The following PDE7A variants were observed in gnomAD, a reference collection of about 807,000 sequenced individuals.
PDE7A encodes high affinity 3',5'-cyclic-AMP phosphodiesterase 7A.
PDE7A carries 39 observed loss-of-function variants against 64.3 expected under a neutral mutation model. That is an observed-to-expected ratio of 0.61 (90% CI 0.47 to 0.79). PDE7A has a LOEUF of 0.79. Among genes scored for constraint, PDE7A ranks in the 30% least tolerant of loss-of-function variants. The pLI, the probability that PDE7A is intolerant of heterozygous loss-of-function variation, is 0.00. For synonymous variants in PDE7A, 203 were observed against 206.8 expected (o/e 0.98, Z 0.16); for missense variants, 470 against 582.8 (o/e 0.81, Z 1.99).
intron 3 of PDE7A, among the ~76,000 whole-genome samples, chr8:65,769,247 C>CAAAAAAAAAAAA (rs61554087): frequency 1.3e-5 from 1 of 74,456 alleles, no homozygotes. Context: ...GACTCAGTCT[C>CAAAAAAAAAAAA]AAAAAAAAAA....
intron 4 of PDE7A, 109 bp downstream of exon 4, chr8:65,747,543 C>T: frequency 1.5e-5 from 9 of 607,510 alleles, no homozygotes; most frequent in Non-Finnish European, 2.1e-5. Context: ...GGCTCAACTG[C>T]TTTTCATAGA....
intron 7 of PDE7A, among the ~76,000 whole-genome samples, chr8:65,732,701 TG>T (rs1291767715): frequency 1.3e-5 from 2 of 152,194 alleles, no homozygotes; most frequent in Non-Finnish European, 1.5e-5. Context: ...TTTGTAGAGA[TG>T]GGATCTTGCT....
chr8:65,804,568 T>C (rs1475887247), intron 1 of PDE7A, among the ~76,000 whole-genome samples: 8 of 136,754 alleles, frequency 5.8e-5, no homozygotes, highest in Admixed American at 1.5e-4. Flanking sequence ...TTGAAGACAG[T>C]GTTTCCATTG....
At chr8:65,774,821 G>T (rs1809210755) in intron 3 of PDE7A, among the ~76,000 whole-genome samples, 1 of 151,888 alleles carries the variant, frequency 6.6e-6, no homozygotes, top group African/African-American at 2.4e-5. Context: ...GAAACGTCCG[G>T]CTGTTTCTCA....
At chr8:65,752,625 C>T (rs1776804083) in intron 3 of PDE7A, among the ~76,000 whole-genome samples, 1 of 152,154 alleles carries the variant, frequency 6.6e-6, no homozygotes, top group Non-Finnish European at 1.5e-5. Context: ...AGATATATCT[C>T]ATTGTTAACC....
At chr8:65,733,762 C>T (rs566041443) in intron 7 of PDE7A, among the ~76,000 whole-genome samples, 9 of 152,210 alleles carry the variant, frequency 5.9e-5, no homozygotes, top group Non-Finnish European at 8.8e-5. Flanking sequence ...TACTAAAAAA[C>T]GGGCATTTTC....
chr8:65,814,851 G>A (rs910920330), intron 1 of PDE7A, among the ~76,000 whole-genome samples: 1 of 152,096 alleles, frequency 6.6e-6, no homozygotes, highest in Non-Finnish European at 1.5e-5. Context: ...GGAGGCTGAG[G>A]AGGATGGATC....
intron 9 of PDE7A, chr8:65,725,676 T>TA (rs1338352064): frequency 1.3e-5 from 2 of 152,082 alleles, no homozygotes; most frequent in Non-Finnish European, 2.9e-5. Flanking sequence ...GTCAAATAGA[T>TA]AAAAAGACTC....
intron 1 of PDE7A, among the ~76,000 whole-genome samples, chr8:65,830,797 C>T (rs907831864): frequency 6.6e-6 from 1 of 152,006 alleles, no homozygotes; most frequent in Non-Finnish European, 1.5e-5. Context: ...AAATAAAGCA[C>T]TTTTTATTCC....
chr8:65,776,069 A>C (rs1809251698), intron 3 of PDE7A, among the ~76,000 whole-genome samples: 1 of 152,206 alleles, frequency 6.6e-6, no homozygotes, highest in Non-Finnish European at 1.5e-5. Flanking sequence ...AATCAATGTT[A>C]TTGATTTAGC....
intron 1 of PDE7A, among the ~76,000 whole-genome samples, chr8:65,834,028 A>G (rs1276731575): frequency 6.6e-6 from 1 of 152,206 alleles, no homozygotes; most frequent in African/African-American, 2.4e-5. Flanking sequence ...CCAAAAACAG[A>G]AACAAATACA....
Position 65,726,958 on chromosome 8 carries a change from T to G in PDE7A, c.837A>C (p.Ser279=). 6.3e-7 allele frequency: 1 copy of G among 1,585,218 alleles called. No individual in the cohort carries two copies. The highest frequency in any genetic ancestry group is 8.7e-7 in the Non-Finnish European group (1 of 1,154,496). The part of the protein sequence containing the change: ...HYLATLYKNT[S]VLENHHWRSA... ...ATCTCCAGTGGTGATTTTCCAGTACTGAGGTATTCTACAACAAAGGACGTT... is the reference window on the plus strand; with the variant it reads ...ATCTCCAGTGGTGATTTTCCAGTACGGAGGTATTCTACAACAAAGGACGTT... The change falls in exon 9 of 13, where the codon TCA becomes TCC. Residue 279 remains serine (S), a synonymous_variant. Transcript: ENST00000401827.
At position 65,719,382 on chromosome 8, in the gene PDE7A, C is replaced by G. The variant is rs762965946; in HGVS notation, c.1357G>C (p.Gly453Arg). The G allele has an allele frequency of 4.3e-6, 7 of 1,613,982 alleles. No individual in the cohort carries two copies. Among genetic ancestry groups the G allele is most frequent in the Non-Finnish European group, 5.1e-6 (6 of 1,179,856 alleles). ...CTGCTCGACTGTTCTCTCTGCAGTC[C>G]CTTCCAGCTGGCTTTATTCAGCCCC... ...HVGLNKASWKGLQREQSSSED... is the reference protein window; with the variant it reads ...HVGLNKASWKRLQREQSSSED... The change falls in exon 13 of 13, where the codon GGA (glycine) becomes CGA (arginine). Residue 453 changes from glycine to arginine, a missense_variant. Gly to Arg is a moderately radical substitution (Grantham distance 125). Coordinates refer to ENST00000401827, the MANE Select transcript of PDE7A (RefSeq NM_001242318.3).
At chr8:65,728,892 CA>C (rs1806718623) in intron 7 of PDE7A, among the ~76,000 whole-genome samples, 1 of 152,078 alleles carries the variant, frequency 6.6e-6, no homozygotes, top group South Asian at 2.1e-4. Context: ...AAAATAGGAA[CA>C]TGACAATAAG....
intron 1 of PDE7A, among the ~76,000 whole-genome samples, chr8:65,810,122 A>G (rs994024505): frequency 2.0e-5 from 3 of 152,098 alleles, no homozygotes; most frequent in African/African-American, 4.8e-5. Flanking sequence ...GATAGACTAG[A>G]TTAAGAAAAT....
chr8:65,747,663 C>T lies in PDE7A; in HGVS notation c.424G>A (p.Gly142Arg), dbSNP rs1262742738. 7 of 1,606,292 alleles carry T rather than the reference C, an allele frequency of 4.4e-6. No homozygotes were observed. Among genetic ancestry groups the T allele is most frequent in the Non-Finnish European group, 6.0e-6 (7 of 1,175,272 alleles). Residue 142 changes from glycine (G) to arginine (R), a missense_variant, in exon 4 of 13, where the codon GGA (glycine) becomes AGA (arginine). Transcript: ENST00000401827. ...AAAACTATACACACCTTGGCTTGTCCATTATAATCATCATCTAAAATGTTT... is the reference window on the plus strand; with the variant it reads ...AAAACTATACACACCTTGGCTTGTCTATTATAATCATCATCTAAAATGTTT... ...SLNILDDDYN[G>R]QAKCMLEKVG...
chr8:65,738,848 A>G (rs1807268509), intron 6 of PDE7A, among the ~76,000 whole-genome samples: 1 of 152,256 alleles, frequency 6.6e-6, no homozygotes, highest in Non-Finnish European at 1.5e-5. Context: ...TTAGAAAAGT[A>G]CAGAAATTGT....
At chr8:65,764,170 T>A (rs932389329) in intron 3 of PDE7A, among the ~76,000 whole-genome samples, 3 of 152,150 alleles carry the variant, frequency 2.0e-5, no homozygotes, top group African/African-American at 7.2e-5. Flanking sequence ...GGAGCATGGG[T>A]GATAGAAAAG....
chr8:65,762,917 G>T (rs1185119935), intron 3 of PDE7A, among the ~76,000 whole-genome samples: 1 of 151,780 alleles, frequency 6.6e-6, no homozygotes, highest in African/African-American at 2.4e-5. Context: ...TGGGAGGATT[G>T]CTTGAGCCCA....
Sources: gnomAD v4.1 joint callset for allele counts (sites outside exome capture counted in the v4.1 genomes callset) on GRCh38, gnomAD v4.1.1 for gene constraint, MANE v1.5 for transcripts, NCBI Gene and HGNC (gene_info 2026-07-23, HGNC 2026-07-21) for gene names.